SH3BGRL2: variants seen among roughly 807,000 people sequenced by gnomAD.
SH3BGRL2 encodes SH3 domain-binding glutamic acid-rich-like protein 2.
SH3BGRL2 carries 21 observed loss-of-function variants against 14.8 expected under a neutral mutation model. The observed-to-expected ratio is 1.42, with a 90% CI of 1.01 to 2.05. SH3BGRL2 has a LOEUF of 2.05. Among genes scored for constraint, SH3BGRL2 ranks in the 30% most tolerant of loss-of-function variants. The pLI, the probability that SH3BGRL2 is intolerant of heterozygous loss-of-function variation, is 0.00. For synonymous variants in SH3BGRL2, 50 were observed against 47.8 expected (o/e 1.05, Z -0.19); for missense variants, 147 against 130.8 (o/e 1.12, Z -0.61).
chr6:79,541,728 T>G, the SH3BGRL2 span, among the ~76,000 whole-genome samples: 1 of 152,176 alleles, frequency 6.6e-6, no homozygotes, highest in Non-Finnish European at 1.5e-5. Context: ...TTGCTCAGAA[T>G]AGTGAGGTGA....
At chr6:79,671,092 C>T (rs1039629112) in intron 1 of SH3BGRL2, among the ~76,000 whole-genome samples, 3 of 152,084 alleles carry the variant, frequency 2.0e-5, no homozygotes, top group African/African-American at 7.2e-5. Flanking sequence ...GGGTAAATAA[C>T]TACCATTGTT....
rs75374771 is a variant in SH3BGRL2 at position 79,638,642 on chromosome 6, C to G, written c.45+7136C>G. ...TGGGGCCTTTTCGATAATAGTCTAACTGGGGTGAGATGCAATTTCATTATC... is the reference window on the plus strand; with the variant it reads ...TGGGGCCTTTTCGATAATAGTCTAAGTGGGGTGAGATGCAATTTCATTATC... On this transcript the variant is annotated intron_variant, in intron 1 of 3. Coordinates refer to ENST00000369838, the MANE Select transcript of SH3BGRL2 (RefSeq NM_031469.4). Among the ~76,000 whole-genome samples, 1,046 of 152,238 alleles carry G rather than the reference C, an allele frequency of 6.9e-3. 12 individuals carry two copies. Among genetic ancestry groups the G allele is most frequent in the African/African-American group, 0.023 (974 of 41,548 alleles).
chr6:79,656,193 G>T (rs758295363), intron 1 of SH3BGRL2, among the ~76,000 whole-genome samples: 6 of 152,166 alleles, frequency 3.9e-5, no homozygotes, highest in Non-Finnish European at 5.9e-5. Flanking sequence ...GTTTGGCATG[G>T]GCCAGTGGCA....
At chr6:79,590,617 T>A in the SH3BGRL2 span, among the ~76,000 whole-genome samples, 4 of 151,216 alleles carry the variant, frequency 2.6e-5, no homozygotes, top group African/African-American at 9.8e-5. Flanking sequence ...AGCTAAACAC[T>A]GAGTATATAC....
At chr6:79,554,369 A>G in the SH3BGRL2 span, among the ~76,000 whole-genome samples, 2 of 152,194 alleles carry the variant, frequency 1.3e-5, no homozygotes, top group African/African-American at 2.4e-5. Context: ...AGTTTTTGCT[A>G]AGGGACATAA....
chr6:79,579,951 A>T, the SH3BGRL2 span, among the ~76,000 whole-genome samples: 1 of 152,208 alleles, frequency 6.6e-6, no homozygotes, highest in African/African-American at 2.4e-5. Context: ...GGATGGAGGA[A>T]GATCTATCAA....
chr6:79,564,216 A>C, the SH3BGRL2 span, among the ~76,000 whole-genome samples: 8 of 152,112 alleles, frequency 5.3e-5, no homozygotes, highest in East Asian at 1.5e-3. Flanking sequence ...ACTTCTGGGC[A>C]GTACCAACTT....
chr6:79,544,956 G>A, the SH3BGRL2 span, among the ~76,000 whole-genome samples: 1 of 152,144 alleles, frequency 6.6e-6, no homozygotes, highest in Non-Finnish European at 1.5e-5. Flanking sequence ...ATAAAATAAG[G>A]AGAAAACAGA....
chr6:79,544,233 G>A, the SH3BGRL2 span, among the ~76,000 whole-genome samples: 10 of 152,030 alleles, frequency 6.6e-5, no homozygotes, highest in African/African-American at 2.4e-4. Context: ...AAAATCAAGC[G>A]GGTTGGACAG....
chr6:79,687,199 C>G (rs547490617), intron 2 of SH3BGRL2, among the ~76,000 whole-genome samples: 7 of 152,308 alleles, frequency 4.6e-5, no homozygotes, highest in African/African-American at 1.7e-4. Context: ...CTTGTGATTT[C>G]TGTGCAAGCT....
chr6:79,585,579 G>A, the SH3BGRL2 span, among the ~76,000 whole-genome samples: 4 of 152,078 alleles, frequency 2.6e-5, no homozygotes, highest in East Asian at 1.9e-4. Context: ...GTTTCCTGAC[G>A]ACTCTCTAGT....
At chr6:79,645,994 G>T (rs1354697932) in intron 1 of SH3BGRL2, among the ~76,000 whole-genome samples, 1 of 152,182 alleles carries the variant, frequency 6.6e-6, no homozygotes, top group Non-Finnish European at 1.5e-5. Flanking sequence ...CTAAACCAGG[G>T]TTTGTCATCA....
At chr6:79,655,579 G>A (rs1769392688) in intron 1 of SH3BGRL2, among the ~76,000 whole-genome samples, 1 of 151,932 alleles carries the variant, frequency 6.6e-6, no homozygotes, top group Non-Finnish European at 1.5e-5. Context: ...TTAGCAACGG[G>A]TCCCCAAGCC....
At chr6:79,571,637 A>T in the SH3BGRL2 span, among the ~76,000 whole-genome samples, 1 of 152,218 alleles carries the variant, frequency 6.6e-6, no homozygotes, top group African/African-American at 2.4e-5. Flanking sequence ...TAAACACTGC[A>T]AAAACTTAAA....
chr6:79,682,357 C>G (rs189111373), intron 2 of SH3BGRL2, among the ~76,000 whole-genome samples: 191 of 151,958 alleles, frequency 1.3e-3, no homozygotes, highest in Admixed American at 3.6e-3. Flanking sequence ...GCTGGAGTCC[C>G]AATAATGGGA....
chr6:79,539,380 CAA>C, the SH3BGRL2 span, among the ~76,000 whole-genome samples: 1 of 152,168 alleles, frequency 6.6e-6, no homozygotes, highest in Non-Finnish European at 1.5e-5. Context: ...ATAAAGGAAA[CAA>C]AGTTATCAAA....
the SH3BGRL2 span, among the ~76,000 whole-genome samples, chr6:79,615,832 C>CTTTTTTTTTTTTTTTTTT: frequency 3.7e-5 from 4 of 109,202 alleles, no homozygotes; most frequent in Non-Finnish European, 5.3e-5. Context: ...TTTTTTCTTT[C>CTTTTTTTTTTTTTTTTTT]TTTTTTTTTT....
chr6:79,607,686 T>C, the SH3BGRL2 span, among the ~76,000 whole-genome samples: 4 of 152,174 alleles, frequency 2.6e-5, no homozygotes, highest in Non-Finnish European at 5.9e-5. Flanking sequence ...GGCTCACGCC[T>C]GTAATCCCAG....
chr6:79,696,501 T>A lies in SH3BGRL2; in HGVS notation c.248T>A (p.Phe83Tyr). 1 of 1,585,866 alleles carries A rather than the reference T, an allele frequency of 6.3e-7. No individual in the cohort carries two copies. Among genetic ancestry groups the A allele is most frequent in the Non-Finnish European group, 8.5e-7 (1 of 1,172,768 alleles). Residue 83 changes from phenylalanine to tyrosine, a missense_variant, in exon 3 of 4, where the codon TTT becomes TAT. Phe to Tyr is a conservative substitution (Grantham distance 22, BLOSUM62 3). Transcript: ENST00000369838. ...DRYCGDYDSF[F>Y]ESKESNTVFS... ...TTTTTCTAGGATTATGACAGTTTTT[T>A]TGAATCCAAGGAAAGCAACACAGTC...
Sources: gnomAD v4.1 joint callset for allele counts (sites outside exome capture counted in the v4.1 genomes callset) on GRCh38, gnomAD v4.1.1 for gene constraint, MANE v1.5 for transcripts, NCBI Gene and HGNC (gene_info 2026-07-23, HGNC 2026-07-21) for gene names.